DNAJC10: variants seen among roughly 807,000 people sequenced by gnomAD.
DNAJC10 encodes the protein endoplasmic reticulum disulfide reductase DNAJC10.
Under a neutral mutation model 115.0 loss-of-function variants are expected in DNAJC10, and 101 were observed. The observed-to-expected ratio is 0.88, with a 90% CI of 0.75 to 1.04. The LOEUF (loss-of-function observed/expected upper bound fraction) is 1.04, where lower values mean the gene tolerates loss of function less well. Ranked by LOEUF, DNAJC10 falls within the 50% of genes least tolerant of loss-of-function variation. The probability of loss-of-function intolerance (pLI) is 0.00; values close to 1 mark genes in which losing one functional copy is unlikely to be tolerated. For synonymous variants in DNAJC10, 307 were observed against 301.5 expected (o/e 1.02, Z -0.19); for missense variants, 981 against 928.8 (o/e 1.06, Z -0.73).
At chr2:182,732,334 GTTTGTA>G (rs1693470869) in intron 9 of DNAJC10, among the ~76,000 whole-genome samples, 159 bp from the exon 10 acceptor site, 1 of 151,490 alleles carries the variant, frequency 6.6e-6, no homozygotes, top group African/African-American at 2.4e-5. Flanking sequence ...TTGTGTGTGT[GTTTGTA>G]TGTGTGTGTG....
At chr2:182,734,125 A>T (rs1693525893) in intron 10 of DNAJC10, among the ~76,000 whole-genome samples, 3 of 147,826 alleles carry the variant, frequency 2.0e-5, no homozygotes, top group Non-Finnish European at 1.5e-5. Context: ...GATTTCATTG[A>T]CTTAAGCACT....
At chr2:182,737,080 A>G (rs1430986953) in intron 11 of DNAJC10, among the ~76,000 whole-genome samples, 1 of 152,202 alleles carries the variant, frequency 6.6e-6, no homozygotes, top group Non-Finnish European at 1.5e-5. Flanking sequence ...TTAAAAATAT[A>G]GATCAGTGGT....
At chr2:182,745,553 A>G (rs1017976203) in intron 14 of DNAJC10, among the ~76,000 whole-genome samples, 4 of 152,210 alleles carry the variant, frequency 2.6e-5, no homozygotes, top group Non-Finnish European at 5.9e-5. Context: ...TCTTTGGATT[A>G]AAATAGTTAT....
intron 14 of DNAJC10, among the ~76,000 whole-genome samples, chr2:182,747,727 C>T (rs1165715399): frequency 2.7e-5 from 4 of 147,612 alleles, no homozygotes; most frequent in African/African-American, 1.0e-4. Context: ...TTATTTCCTT[C>T]TCCTGCCTAA....
intron 22 of DNAJC10, among the ~76,000 whole-genome samples, chr2:182,765,232 A>G (rs1003850769): frequency 7.9e-5 from 12 of 152,034 alleles, no homozygotes; most frequent in African/African-American, 2.2e-4. Context: ...TATTATGGGG[A>G]AAAAAAGGGG....
chr2:182,718,894 TAGTG>T lies in DNAJC10; in HGVS notation c.204+607_204+610del, dbSNP rs549271622. ...TTTTGTAATTTATTTGATTATTTCT[TAGTG>T]AGATTTAGCGTTCATCATTAACAAG... On this transcript the variant is annotated intron_variant, in intron 3 of 23. Coordinates refer to ENST00000264065, the MANE Select transcript of DNAJC10 (RefSeq NM_018981.4). Among the ~76,000 whole-genome samples, 201 of 152,298 alleles carry T rather than the reference TAGTG, an allele frequency of 1.3e-3. 1 individual carries two copies. Among genetic ancestry groups the T allele is most frequent in the Middle Eastern group, 6.8e-3 (2 of 294 alleles).
At position 182,776,670 on chromosome 2, in the gene DNAJC10, C is replaced by T. The variant is rs532288077; in HGVS notation, c.2371-451C>T. ...CAACCTACCTCAAGAATATTTTTTACGAATCTGAAAGGTAGGAAAGAGTTA... is the reference window on the plus strand; with the variant it reads ...CAACCTACCTCAAGAATATTTTTTATGAATCTGAAAGGTAGGAAAGAGTTA... On this transcript the variant is annotated intron_variant, in intron 23 of 23. Transcript: ENST00000264065. Among the ~76,000 whole-genome samples the T allele has an allele frequency of 6.6e-5, 10 of 152,182 alleles. No individual in the cohort carries two copies. In the East Asian group the frequency reaches 1.7e-3, roughly 26 times the overall value.
chr2:182,766,034 T>C (rs535528418), intron 22 of DNAJC10, among the ~76,000 whole-genome samples: 1 of 152,198 alleles, frequency 6.6e-6, no homozygotes, highest in Admixed American at 6.5e-5. Context: ...GGATACTGAG[T>C]AACATCAGTT....
intron 18 of DNAJC10, among the ~76,000 whole-genome samples, chr2:182,756,675 ACT>A (rs1491534479): frequency 6.7e-6 from 1 of 149,532 alleles, no homozygotes; most frequent in African/African-American, 2.4e-5. Context: ...CATCTGGTAC[ACT>A]TTTTTTTTTT....
rs1354983574 is a variant in DNAJC10, at chr2:182,733,827, A to AGATAGATAGATT, written c.849+1288_849+1289insAGATAGATTGAT. ...TAGATAGATAGATAGATAGATAGAT[A>AGATAGATAGATT]GATTTTCTACTTCCTCTATTTGGTA... On this transcript the variant is annotated intron_variant, in intron 10 of 23. Coordinates refer to ENST00000264065, the MANE Select transcript of DNAJC10 (RefSeq NM_018981.4). Among the ~76,000 whole-genome samples the AGATAGATAGATT allele has an allele frequency of 7.4e-3, 1,067 of 143,986 alleles. 9 individuals carry two copies. Among genetic ancestry groups the AGATAGATAGATT allele is most frequent in the Non-Finnish European group, 0.013 (813 of 64,462 alleles). The allele number at this position is 143,986 out of a possible 152,430, so 94.5% of individuals were successfully genotyped here.
rs1010493333 is a variant in DNAJC10, at chr2:182,788,751, G to A, written c.*11619G>A. 6 of 443,996 alleles carry A rather than the reference G, an allele frequency of 1.4e-5. No individual in the cohort carries two copies. The highest frequency in any genetic ancestry group is 1.4e-4 in the East Asian group (2 of 14,246). 27.5% of individuals were successfully genotyped at this position (443,996 alleles called of 1,614,324 possible). A position where few individuals can be genotyped will look rare whatever the true frequency, so the allele number is the denominator to read the frequency against. On this transcript the variant is annotated 3_prime_UTR_variant, in exon 24 of 24. Coordinates refer to ENST00000264065, the MANE Select transcript of DNAJC10 (RefSeq NM_018981.4). ...AGGGAAGTTCCTACTTGGGAAAACG[G>A]AAAGGTAGACTATTCAGAAGTTTTC...
intron 22 of DNAJC10, among the ~76,000 whole-genome samples, chr2:182,767,587 G>C (rs1250258731): frequency 6.6e-6 from 1 of 151,870 alleles, no homozygotes; most frequent in Admixed American, 6.6e-5. Context: ...TGATCACGTC[G>C]AGGGCACCAC....
At chr2:182,723,542 T>TCATGTCA (rs1558996682) in intron 5 of DNAJC10, among the ~76,000 whole-genome samples, 1 of 152,242 alleles carries the variant, frequency 6.6e-6, no homozygotes. Context: ...GAATTAATGC[T>TCATGTCA]CATGTCACAA....
intron 5 of DNAJC10, among the ~76,000 whole-genome samples, chr2:182,727,543 C>T (rs2105618132): frequency 6.6e-6 from 1 of 152,162 alleles, no homozygotes; most frequent in South Asian, 2.1e-4. Flanking sequence ...TGCCAAAGAA[C>T]AGCCCATAGT....
chr2:182,771,636 T>C (rs1397841055), intron 22 of DNAJC10, among the ~76,000 whole-genome samples: 1 of 152,236 alleles, frequency 6.6e-6, no homozygotes, highest in Non-Finnish European at 1.5e-5. Flanking sequence ...TAGTATTCTC[T>C]GATGGTAGTT....
chr2:182,730,485 G>A, intron 8 of DNAJC10: 1 of 424,784 alleles, frequency 2.4e-6, no homozygotes. Context: ...CATTAGTGAG[G>A]AAAACATTAG....
At chr2:182,758,986 C>A (rs1694225477) in intron 20 of DNAJC10, 96 bp downstream of exon 20, 1 of 1,151,382 alleles carries the variant, frequency 8.7e-7, no homozygotes, top group Non-Finnish European at 1.3e-6. Flanking sequence ...GGTTAAGGTT[C>A]TAGCATTTTA....
chr2:182,766,448 G>T (rs1057511952), intron 22 of DNAJC10, among the ~76,000 whole-genome samples: 1 of 152,124 alleles, frequency 6.6e-6, no homozygotes, highest in Non-Finnish European at 1.5e-5. Context: ...ATTTAAATGA[G>T]TAATACTATA....
At chr2:182,726,684 G>A (rs957571386) in intron 5 of DNAJC10, among the ~76,000 whole-genome samples, 6 of 152,086 alleles carry the variant, frequency 3.9e-5, no homozygotes, top group Admixed American at 2.0e-4. Context: ...TCAACATCAC[G>A]ACATGCATGA....
Sources: allele counts gnomAD v4.1 joint callset (sites outside exome capture counted in the v4.1 genomes callset), GRCh38; gene constraint gnomAD v4.1.1; transcripts MANE v1.5; gene names NCBI Gene and HGNC (gene_info 2026-07-23, HGNC 2026-07-21).